Variants in TMEM61 observed in about 807,000 individuals in gnomAD.
The protein encoded by TMEM61 is transmembrane protein 61.
TMEM61 carries 13 observed loss-of-function variants against 12.0 expected under a neutral mutation model. The observed-to-expected ratio is 1.08, with a 90% CI of 0.70 to 1.72. The LOEUF (loss-of-function observed/expected upper bound fraction) is 1.72. Ranked by LOEUF, TMEM61 falls within the 40% of genes most tolerant of loss-of-function variation. The pLI is 0.00. For missense variants in TMEM61, 249 were observed against 276.9 expected (o/e 0.90, Z 0.71); for synonymous variants, 109 against 121.4 (o/e 0.90, Z 0.67).
chr1:54,991,260 C>CA (rs1180833820), intron 2 of TMEM61, among the ~76,000 whole-genome samples: 12 of 152,218 alleles, frequency 7.9e-5, no homozygotes, highest in Admixed American at 6.5e-4. Flanking sequence ...CACAGGATAG[C>CA]AAACTGTCCA....
chr1:54,987,061 G>A (rs1487334586), intron 2 of TMEM61, among the ~76,000 whole-genome samples: 1 of 152,190 alleles, frequency 6.6e-6, no homozygotes, highest in Non-Finnish European at 1.5e-5. Flanking sequence ...GGAAAAGGAG[G>A]CATGGAGACA....
intron 1 of TMEM61, among the ~76,000 whole-genome samples, chr1:54,985,839 G>T (rs1418399406): frequency 6.6e-6 from 1 of 152,148 alleles, no homozygotes; most frequent in South Asian, 2.1e-4. Context: ...CTGGAGGGAG[G>T]CCCTGAGTGA....
rs749691469 is a variant in TMEM61, at chr1:54,991,982, C to G, written c.512C>G (p.Ala171Gly). The G allele has an allele frequency of 6.2e-7, 1 of 1,614,178 alleles. No homozygotes were observed. The highest frequency in any genetic ancestry group is 8.5e-7 in the Non-Finnish European group (1 of 1,180,046). ...GATGCCCTGCTCAGCACCCAGCCCG[C>G]CTGGCCTCCACCCAGCTATGAGAGC... is the stretch of plus-strand genomic sequence containing the variant. Reference protein sequence around the residue: ...SRDALLSTQPAWPPPSYESIS... With the variant: ...SRDALLSTQPGWPPPSYESIS... The change falls in exon 3 of 3, where the codon GCC becomes GGC. Residue 171 changes from alanine to glycine, a missense_variant. Transcript: ENST00000371268.
At chr1:54,986,510 A>T in intron 2 of TMEM61, 64 bp downstream of exon 2, 1 of 1,348,934 alleles carries the variant, frequency 7.4e-7, no homozygotes, top group Non-Finnish European at 1.0e-6. Flanking sequence ...ACACCAGCCC[A>T]CCAGCCAGCA....
At chr1:54,983,277 C>A (rs369065254) in intron 1 of TMEM61, among the ~76,000 whole-genome samples, 2 of 151,730 alleles carry the variant, frequency 1.3e-5, no homozygotes, top group South Asian at 4.2e-4. Context: ...CCACGCCTGG[C>A]TAATTGGCTA....
chr1:54,990,142 A>G (rs987373611), intron 2 of TMEM61, among the ~76,000 whole-genome samples: 2 of 152,060 alleles, frequency 1.3e-5, no homozygotes, highest in Admixed American at 1.3e-4. Context: ...GAGGGTGAGG[A>G]CAGGCACTAT....
chr1:54,992,106 G>C lies in TMEM61; in HGVS notation c.*3G>C. 1.9e-6 allele frequency: 3 copies of C among 1,608,894 alleles called. No homozygotes were observed. Among genetic ancestry groups the C allele is most frequent in the Non-Finnish European group, 1.7e-6 (2 of 1,178,504 alleles). On this transcript the variant is annotated 3_prime_UTR_variant, in exon 3 of 3. Coordinates refer to ENST00000371268, the MANE Select transcript of TMEM61 (RefSeq NM_182532.3). ...AGACTGCACGGGGAGGAAGTTAAAG[G>C]CTCCTAGCAGGTCCTGAATCCAGAG...
chr1:54,987,226 G>C (rs1644266901), intron 2 of TMEM61, among the ~76,000 whole-genome samples: 1 of 152,194 alleles, frequency 6.6e-6, no homozygotes, highest in Non-Finnish European at 1.5e-5. Flanking sequence ...CTTTAGCCGA[G>C]TGCCTGGTAC....
At chr1:54,989,896 C>T (rs1326092799) in intron 2 of TMEM61, among the ~76,000 whole-genome samples, 1 of 151,668 alleles carries the variant, frequency 6.6e-6, no homozygotes, top group South Asian at 2.1e-4. Flanking sequence ...AGATGGGGCT[C>T]TGGAAGCTAA....
intron 1 of TMEM61, among the ~76,000 whole-genome samples, chr1:54,984,922 CTG>C (rs1181182811): frequency 6.6e-6 from 1 of 152,188 alleles, no homozygotes; most frequent in Non-Finnish European, 1.5e-5. Context: ...CCTCCTACAT[CTG>C]TGTGATCCGG....
At chr1:54,984,071 CGT>C (rs914841623) in intron 1 of TMEM61, among the ~76,000 whole-genome samples, 8 of 152,168 alleles carry the variant, frequency 5.3e-5, no homozygotes, top group African/African-American at 1.4e-4. Context: ...CACACACACA[CGT>C]GTGTTTTTAA....
chr1:54,991,260 C>G (rs1418683054), intron 2 of TMEM61, among the ~76,000 whole-genome samples: 1 of 152,218 alleles, frequency 6.6e-6, no homozygotes, highest in Non-Finnish European at 1.5e-5. Flanking sequence ...CACAGGATAG[C>G]AAACTGTCCA....
chr1:54,985,286 GA>G (rs1644250315), intron 1 of TMEM61, among the ~76,000 whole-genome samples: 1 of 152,116 alleles, frequency 6.6e-6, no homozygotes, highest in Non-Finnish European at 1.5e-5. Context: ...GCCCAGGCTG[GA>G]GTGCAGTGGT....
At chr1:54,990,661 GT>G (rs1027517924) in intron 2 of TMEM61, among the ~76,000 whole-genome samples, 1 of 152,120 alleles carries the variant, frequency 6.6e-6, no homozygotes, top group African/African-American at 2.4e-5. Context: ...TCTCAGCCTT[GT>G]GGGGCCTGCC....
At chr1:54,983,791 C>T (rs1644239772) in intron 1 of TMEM61, among the ~76,000 whole-genome samples, 1 of 152,146 alleles carries the variant, frequency 6.6e-6, no homozygotes, top group African/African-American at 2.4e-5. Flanking sequence ...CAGGTTTCTC[C>T]TCTTGACAGC....
intron 2 of TMEM61, among the ~76,000 whole-genome samples, chr1:54,990,334 C>T (rs191187651): frequency 1.2e-4 from 18 of 152,244 alleles, no homozygotes; most frequent in South Asian, 1.0e-3. Flanking sequence ...CAATCTGCTC[C>T]GTCACCCTGG....
At chr1:54,989,782 C>A (rs1644283555) in intron 2 of TMEM61, among the ~76,000 whole-genome samples, 1 of 151,956 alleles carries the variant, frequency 6.6e-6, no homozygotes, top group Non-Finnish European at 1.5e-5. Flanking sequence ...CCCTGCCCTG[C>A]CAGCTGTCAC....
chr1:54,988,519 G>A (rs1378666863), intron 2 of TMEM61, among the ~76,000 whole-genome samples: 1 of 152,212 alleles, frequency 6.6e-6, no homozygotes, highest in Non-Finnish European at 1.5e-5. Context: ...GCCCAGCCCT[G>A]CTGCCTGCAG....
At chr1:54,989,029 C>T (rs983193655) in intron 2 of TMEM61, among the ~76,000 whole-genome samples, 1 of 152,202 alleles carries the variant, frequency 6.6e-6, no homozygotes, top group Non-Finnish European at 1.5e-5. Context: ...GTTAGGGAAG[C>T]GTGCACTCTG....
Sources: gnomAD v4.1 joint callset for allele counts (sites outside exome capture counted in the v4.1 genomes callset) on GRCh38, gnomAD v4.1.1 for gene constraint, MANE v1.5 for transcripts, NCBI Gene and HGNC (gene_info 2026-07-23, HGNC 2026-07-21) for gene names.